Variants in TRAPPC9 observed in about 807,000 individuals in gnomAD.
TRAPPC9 encodes trafficking protein particle complex subunit 9.
A neutral mutation model predicts 124.0 loss-of-function variants in TRAPPC9; 83 were observed. That is an observed-to-expected ratio of 0.67 (90% CI 0.56 to 0.80). TRAPPC9 has a LOEUF of 0.80. Among genes scored for constraint, TRAPPC9 ranks in the 30% least tolerant of loss-of-function variants. The pLI is 0.00. For missense variants in TRAPPC9, 1,302 were observed against 1,508.3 expected (o/e 0.86, Z 2.27); for synonymous variants, 638 against 617.5 (o/e 1.03, Z -0.49).
intron 17 of TRAPPC9, among the ~76,000 whole-genome samples, chr8:140,195,942 C>T (rs62529303): frequency 0.019 from 1,166 of 60,286 alleles, 110 homozygotes; most frequent in Non-Finnish European, 0.028. Flanking sequence ...ACAGATCACA[C>T]CTGTGACATT....
chr8:139,768,327 A>T lies in TRAPPC9; in HGVS notation c.3056-36125T>A, dbSNP rs530137175. Among the ~76,000 whole-genome samples, 7 of 152,352 alleles carry T rather than the reference A, an allele frequency of 4.6e-5. No homozygotes were observed. In the South Asian group the frequency reaches 8.3e-4, roughly 18 times the overall value. On this transcript the variant is annotated intron_variant, in intron 21 of 22. Coordinates refer to ENST00000438773, the MANE Select transcript of TRAPPC9 (RefSeq NM_001160372.4). ...GCTGGACCCTGGAGCCACAGCAGTG[A>T]ATATGACAGCTGTGACCCTAGCTCC...
Position 140,450,981 on chromosome 8 carries a change from G to T in TRAPPC9, c.393C>A (p.Asp131Glu). Reference protein sequence around the residue: ...QGEIVEQPRTDVAFYPNYEDC... With the variant: ...QGEIVEQPRTEVAFYPNYEDC... Reference sequence around the variant, plus strand: ...CCTCGTAGTTGGGGTAGAAAGCCACGTCGGTGCGCGGCTGCTCCACGATCT... The same window carrying T: ...CCTCGTAGTTGGGGTAGAAAGCCACTTCGGTGCGCGGCTGCTCCACGATCT... Residue 131 changes from aspartate (D) to glutamate (E), a missense_variant, in exon 2 of 23, where the codon GAC becomes GAA. Physicochemically the swap from Asp to Glu is conservative, Grantham distance 45 (BLOSUM62 2). Around this residue, in one of 3 missense-constraint regions of TRAPPC9, gnomAD observed 657 missense variants for 811.2 expected, o/e 0.81. Coordinates refer to ENST00000438773, the MANE Select transcript of TRAPPC9 (RefSeq NM_001160372.4). The T allele has an allele frequency of 6.2e-7, 1 of 1,614,136 alleles. No homozygotes were observed. Among genetic ancestry groups the T allele is most frequent in the East Asian group, 2.2e-5 (1 of 44,874 alleles).
At chr8:140,220,487 C>T (rs534234792) in intron 17 of TRAPPC9, among the ~76,000 whole-genome samples, 3 of 152,206 alleles carry the variant, frequency 2.0e-5, no homozygotes, top group African/African-American at 4.8e-5. Context: ...ACCAACAACC[C>T]CCTTCTTTAC....
intron 17 of TRAPPC9, among the ~76,000 whole-genome samples, chr8:140,083,134 A>G (rs970232689): frequency 7.2e-5 from 11 of 152,176 alleles, no homozygotes; most frequent in Non-Finnish European, 1.5e-4. Flanking sequence ...CGGAGGTTGC[A>G]GTGAGCTGAG....
chr8:139,732,668 C>T (rs1424186772), intron 21 of TRAPPC9, among the ~76,000 whole-genome samples: 1 of 152,252 alleles, frequency 6.6e-6, no homozygotes, highest in African/African-American at 2.4e-5. Flanking sequence ...CCACACACCC[C>T]AGGAGGTGGT....
chr8:139,986,149 A>C (rs1837228350), intron 19 of TRAPPC9, among the ~76,000 whole-genome samples: 1 of 152,230 alleles, frequency 6.6e-6, no homozygotes, highest in Non-Finnish European at 1.5e-5. Flanking sequence ...AGGCTGAGGC[A>C]GGAGAAACGC....
intron 17 of TRAPPC9, among the ~76,000 whole-genome samples, chr8:140,177,405 C>G (rs536434111): frequency 1.2e-4 from 19 of 152,214 alleles, no homozygotes; most frequent in Middle Eastern, 3.4e-3. Context: ...CAATCCTTCC[C>G]CCTTTGAATT....
At chr8:140,149,837 G>A (rs1249823053) in intron 17 of TRAPPC9, among the ~76,000 whole-genome samples, 7 of 7,778 alleles carry the variant, frequency 9.0e-4, no homozygotes, top group African/African-American at 3.3e-3. Flanking sequence ...GTACGAGTGC[G>A]AGCAGTGGAG....
chr8:139,792,256 C>A (rs1822744094), intron 21 of TRAPPC9, among the ~76,000 whole-genome samples: 2 of 152,002 alleles, frequency 1.3e-5, no homozygotes, highest in Non-Finnish European at 2.9e-5. Context: ...AGTAGGGGGA[C>A]CTCTCCATCT....
rs183245849 is a variant in TRAPPC9, at chr8:140,063,445, G to C, written c.2557-39366C>G. 5.3e-5 allele frequency among the ~76,000 whole-genome samples: 8 copies of C among 152,258 alleles called. No homozygotes were observed. The highest frequency in any genetic ancestry group is 1.2e-4 in the Non-Finnish European group (8 of 68,032). On this transcript the variant is annotated intron_variant, in intron 17 of 22. Coordinates refer to ENST00000438773, the MANE Select transcript of TRAPPC9 (RefSeq NM_001160372.4). The surrounding 1 kb of genome is among the most constrained non-coding windows in gnomAD (Gnocchi z 4.3). Reference sequence around the variant, plus strand: ...GTTCTTAGAGCTCCTAGTTGATTTAGTGTATGTCCCTGTTAGCATGTGGCA... The same window carrying C: ...GTTCTTAGAGCTCCTAGTTGATTTACTGTATGTCCCTGTTAGCATGTGGCA...
At chr8:139,972,960 C>T (rs564428485) in intron 19 of TRAPPC9, among the ~76,000 whole-genome samples, 31 of 152,294 alleles carry the variant, frequency 2.0e-4, no homozygotes, top group African/African-American at 7.2e-4. Context: ...CTCCTCTCCT[C>T]CCACCACTGA....
In TRAPPC9 at chr8:139,907,286, AC is replaced by A. The variant is rs1831420954; in HGVS notation, c.2964+2860del. Among the ~76,000 whole-genome samples, 1 of 152,066 alleles carries A rather than the reference AC, an allele frequency of 6.6e-6. No individual in the cohort carries two copies. The highest frequency in any genetic ancestry group is 1.5e-5 in the Non-Finnish European group (1 of 68,032). On this transcript the variant is annotated intron_variant, in intron 20 of 22. Transcript: ENST00000438773. The surrounding 1 kb of genome is among the most constrained non-coding windows in gnomAD (Gnocchi z 4.7). The stretch of plus-strand genomic sequence containing the variant: ...TTTCCTTTAAAACGCATCTATCCAG[AC>A]CCATGCGCTACAGGTGGGCAACTGC...
At chr8:139,778,541 A>G (rs1174720919) in intron 21 of TRAPPC9, among the ~76,000 whole-genome samples, 1 of 152,234 alleles carries the variant, frequency 6.6e-6, no homozygotes, top group Non-Finnish European at 1.5e-5. Context: ...AGTTATCATA[A>G]CTGTATTCTA....
intron 17 of TRAPPC9, among the ~76,000 whole-genome samples, chr8:140,067,564 C>G (rs939513991): frequency 4.6e-5 from 7 of 152,184 alleles, no homozygotes; most frequent in African/African-American, 1.4e-4. Context: ...AGCTTGGTCC[C>G]TGGTTGCATC....
intron 21 of TRAPPC9, 82 bp downstream of exon 21, chr8:139,885,797 A>G: frequency 1.5e-6 from 2 of 1,378,528 alleles, no homozygotes; most frequent in Non-Finnish European, 2.0e-6. Context: ...GTGCCCAGCC[A>G]CACCCCCCAA....
rs991131373 is a variant in TRAPPC9, at chr8:139,984,828, G to A, written c.2810+3898C>T. 1.3e-5 allele frequency among the ~76,000 whole-genome samples: 2 copies of A among 152,132 alleles called. No individual in the cohort carries two copies. The highest frequency in any genetic ancestry group is 2.4e-5 in the African/African-American group (1 of 41,420). ...CAGCAGTGGGCACAGCAGGGGAAGC[G>A]CCTAAGATGACTTCCCAGATGGACG... On this transcript the variant is annotated intron_variant, in intron 19 of 22. Coordinates refer to ENST00000438773, the MANE Select transcript of TRAPPC9 (RefSeq NM_001160372.4). The surrounding 1 kb of genome is among the most constrained non-coding windows in gnomAD (Gnocchi z 4.3).
chr8:140,247,756 C>T (rs759192023), intron 16 of TRAPPC9, among the ~76,000 whole-genome samples: 22 of 152,034 alleles, frequency 1.4e-4, no homozygotes, highest in Non-Finnish European at 2.6e-4. Flanking sequence ...ATCTTTCTCT[C>T]GATTCTTTTT....
intron 14 of TRAPPC9, among the ~76,000 whole-genome samples, chr8:140,280,677 G>A (rs1336851723): frequency 2.0e-5 from 3 of 151,610 alleles, no homozygotes; most frequent in African/African-American, 4.8e-5. Flanking sequence ...AAGGTGATCC[G>A]CCCGCCTCTG....
intron 17 of TRAPPC9, among the ~76,000 whole-genome samples, chr8:140,164,866 C>G (rs1185374727): frequency 6.6e-6 from 1 of 152,212 alleles, no homozygotes; most frequent in Non-Finnish European, 1.5e-5. Flanking sequence ...CCATACCTAA[C>G]TCCTGGCTCA....
Sources: gnomAD v4.1 joint callset for allele counts (sites outside exome capture counted in the v4.1 genomes callset) on GRCh38, gnomAD v4.1.1 for gene constraint, gnomAD v4.1.1 regional missense constraint, Gnocchi (gnomAD v3.1) non-coding constraint, MANE v1.5 for transcripts, NCBI Gene and HGNC (gene_info 2026-07-23, HGNC 2026-07-21) for gene names.